ZMAT4: variants seen among roughly 807,000 people sequenced by gnomAD.
ZMAT4 encodes zinc finger matrin-type 4.
A neutral mutation model predicts 28.7 loss-of-function variants in ZMAT4; 17 were observed. The ratio of observed to expected loss-of-function variants is 0.59; its 90% CI spans 0.41 to 0.89. The LOEUF (loss-of-function observed/expected upper bound fraction) is 0.89. ZMAT4 is among the 40% of genes least tolerant of loss of function. The pLI is 0.00. For synonymous variants in ZMAT4, 117 were observed against 109.2 expected (o/e 1.07, Z -0.44); for missense variants, 240 against 283.8 (o/e 0.85, Z 1.11).
chr8:40,863,722 G>T (rs1817581014), intron 1 of ZMAT4, among the ~76,000 whole-genome samples: 2 of 152,066 alleles, frequency 1.3e-5, no homozygotes, highest in Non-Finnish European at 2.9e-5. Flanking sequence ...CATTGATGAG[G>T]GGAATACACA....
intron 1 of ZMAT4, among the ~76,000 whole-genome samples, chr8:40,835,235 A>G (rs1196701749): frequency 1.3e-5 from 2 of 152,168 alleles, no homozygotes. Flanking sequence ...GCAGAGAGAA[A>G]CAGAAAAGAT....
intron 5 of ZMAT4, among the ~76,000 whole-genome samples, chr8:40,616,618 G>A (rs1021435803): frequency 1.3e-5 from 2 of 151,970 alleles, no homozygotes; most frequent in Non-Finnish European, 2.9e-5. Flanking sequence ...TCATCATTCT[G>A]AGCAAACTAT....
At chr8:40,895,932 C>T (rs1235963674) in intron 1 of ZMAT4, among the ~76,000 whole-genome samples, 3 of 152,170 alleles carry the variant, frequency 2.0e-5, no homozygotes, top group African/African-American at 4.8e-5. Flanking sequence ...CCATGCCCAC[C>T]GGCTGGGAAA....
intron 6 of ZMAT4, among the ~76,000 whole-genome samples, chr8:40,570,264 T>A (rs1804052591): frequency 6.6e-6 from 1 of 152,122 alleles, no homozygotes; most frequent in Admixed American, 6.6e-5. Flanking sequence ...CAAGAGAACC[T>A]TTGGTGGTTA....
intron 1 of ZMAT4, among the ~76,000 whole-genome samples, chr8:40,873,291 A>T (rs1027309750): frequency 6.6e-6 from 1 of 152,232 alleles, no homozygotes; most frequent in African/African-American, 2.4e-5. Context: ...ATGCCCACTT[A>T]TCAGGATTTA....
chr8:40,823,739 A>G (rs1815919496), intron 2 of ZMAT4, among the ~76,000 whole-genome samples: 1 of 152,082 alleles, frequency 6.6e-6, no homozygotes, highest in Non-Finnish European at 1.5e-5. Context: ...TTATGAAGCC[A>G]TAGCCACAGA....
At chr8:40,591,459 T>A (rs899141440) in intron 5 of ZMAT4, among the ~76,000 whole-genome samples, 1 of 152,180 alleles carries the variant, frequency 6.6e-6, no homozygotes, top group African/African-American at 2.4e-5. Flanking sequence ...CGGTCACCCA[T>A]GTGACTGAGG....
At chr8:40,850,453 C>A (rs190350154) in intron 1 of ZMAT4, among the ~76,000 whole-genome samples, 5 of 152,148 alleles carry the variant, frequency 3.3e-5, no homozygotes, top group African/African-American at 1.2e-4. Flanking sequence ...CTTCACAGGG[C>A]GGATCACTGC....
chr8:40,766,012 C>G (rs935249739), intron 3 of ZMAT4, among the ~76,000 whole-genome samples: 1 of 152,074 alleles, frequency 6.6e-6, no homozygotes, highest in African/African-American at 2.4e-5. Context: ...GCCAACTCTC[C>G]CATGGCTTAA....
chr8:40,889,174 C>T (rs370182724), intron 1 of ZMAT4, among the ~76,000 whole-genome samples: 15 of 152,182 alleles, frequency 9.9e-5, no homozygotes, highest in South Asian at 6.2e-4. Context: ...TGACAGGGCC[C>T]GGAGGTGGGA....
intron 5 of ZMAT4, among the ~76,000 whole-genome samples, chr8:40,615,746 A>C (rs1237290007): frequency 1.3e-5 from 2 of 152,190 alleles, no homozygotes; most frequent in Non-Finnish European, 2.9e-5. Context: ...GCATTCATCA[A>C]GTAGTTCTCG....
intron 5 of ZMAT4, among the ~76,000 whole-genome samples, chr8:40,598,377 G>A (rs2118603354): frequency 6.6e-6 from 1 of 152,110 alleles, no homozygotes; most frequent in Middle Eastern, 3.4e-3. Flanking sequence ...CCCACCCCCT[G>A]ACAGGCCCCA....
chr8:40,733,482 T>C (rs1478148438), intron 3 of ZMAT4, among the ~76,000 whole-genome samples: 1 of 152,214 alleles, frequency 6.6e-6, no homozygotes. Flanking sequence ...GTGAATCTTG[T>C]GTATTCTACA....
At chr8:40,845,776 T>A (rs1471691512) in intron 1 of ZMAT4, among the ~76,000 whole-genome samples, 1 of 129,644 alleles carries the variant, frequency 7.7e-6, no homozygotes, top group South Asian at 2.5e-4. Context: ...ACTTAGTAGT[T>A]AAAAAAAAAA....
intron 4 of ZMAT4, among the ~76,000 whole-genome samples, chr8:40,691,875 C>T (rs1002929273): frequency 2.0e-5 from 3 of 151,774 alleles, no homozygotes; most frequent in Non-Finnish European, 4.4e-5. Flanking sequence ...ACTTCACAGC[C>T]TCTGTTTGTG....
Position 40,633,403 on chromosome 8 carries a change from G to A in ZMAT4, c.577+41301C>T, listed in dbSNP as rs562745091. Among the ~76,000 whole-genome samples, 18 of 152,330 alleles carry A rather than the reference G, an allele frequency of 1.2e-4. 1 individual carries two copies. The South Asian group carries it at 3.7e-3, about 32-fold the overall frequency. The stretch of plus-strand genomic sequence containing the variant: ...AAGTGACACATGCGATGTGATGGCA[G>A]AGAGAGGATATGATGTAGGGAAAAC... On this transcript the variant is annotated intron_variant, in intron 5 of 6. Transcript: ENST00000297737.
At chr8:40,698,060 T>C (rs760623613) in intron 3 of ZMAT4, among the ~76,000 whole-genome samples, 12 of 152,210 alleles carry the variant, frequency 7.9e-5, no homozygotes, top group Non-Finnish European at 1.3e-4. Context: ...CCAGGATACA[T>C]GGCCATGATG....
chr8:40,709,548 A>G (rs1393699104), intron 3 of ZMAT4, among the ~76,000 whole-genome samples: 4 of 152,246 alleles, frequency 2.6e-5, no homozygotes, highest in Non-Finnish European at 4.4e-5. Context: ...ATGATGTAAC[A>G]TATTTTAGAC....
chr8:40,779,317 C>A (rs1328530165), intron 2 of ZMAT4, among the ~76,000 whole-genome samples: 3 of 152,080 alleles, frequency 2.0e-5, no homozygotes, highest in Non-Finnish European at 4.4e-5. Flanking sequence ...TACCCAGTCT[C>A]AGGAATGTCT....
Sources: allele counts gnomAD v4.1 joint callset (sites outside exome capture counted in the v4.1 genomes callset), GRCh38; gene constraint gnomAD v4.1.1; transcripts MANE v1.5; gene names NCBI Gene and HGNC (gene_info 2026-07-23, HGNC 2026-07-21).